The following CT45A1 variants were observed in gnomAD, a reference collection of about 807,000 sequenced individuals.
The protein encoded by CT45A1 is cancer/testis antigen family 45 member A1.
intron 1 of CT45A1, among the ~76,000 whole-genome samples, chrX:135,715,386 A>AATACTTATATATATAATACTTATAT (rs2087975160): frequency 1.6e-5 from 1 of 60,842 alleles, no homozygotes; most frequent in Non-Finnish European, 3.0e-5. Flanking sequence ...ACTTATATAT[A>AATACTTATATATATAATACTTATAT]ATACTTATAT....
Position 135,718,492 on chromosome X carries a change from T to C in CT45A1, c.-6-443T>C, listed in dbSNP as rs782165638. On this transcript the variant is annotated intron_variant, in intron 1 of 4. Transcript: ENST00000594565. ...TTATACATCTATTTGAATATATAAG[T>C]ATAAATACTTATATATTAAATACAT... Among the ~76,000 whole-genome samples the C allele has an allele frequency of 1.4e-4, 15 of 109,880 alleles. No individual in the cohort carries two copies. In the East Asian group the frequency reaches 3.4e-3, roughly 25 times the overall value.
At chrX:135,716,871 A>G (rs1345054803) in intron 1 of CT45A1, among the ~76,000 whole-genome samples, 1 of 111,692 alleles carries the variant, frequency 9.0e-6, no homozygotes, top group Admixed American at 9.6e-5. Context: ...ATTTATTAAA[A>G]GCACTGTCTT....
chrX:135,714,894 C>T (rs1456174530), intron 1 of CT45A1, among the ~76,000 whole-genome samples: 4 of 99,059 alleles, frequency 4.0e-5, no homozygotes, highest in Non-Finnish European at 6.1e-5. Flanking sequence ...CTATGTCTTT[C>T]ATGAAGTTCC....
upstream of CT45A1, among the ~76,000 whole-genome samples, chrX:135,712,621 C>T (rs1241878655): frequency 3.6e-5 from 4 of 110,607 alleles, no homozygotes; most frequent in African/African-American, 6.6e-5. Context: ...CTCACTTCCC[C>T]AGTTCAAGTG....
At chrX:135,717,504 G>A (rs782793121) in intron 1 of CT45A1, among the ~76,000 whole-genome samples, 2 of 110,400 alleles carry the variant, frequency 1.8e-5, no homozygotes, top group Non-Finnish European at 3.8e-5. Flanking sequence ...AGCAGAGACT[G>A]TGCCACTCTA....
In CT45A1 at chrX:135,715,249, TTA is replaced by T. The variant is rs1270126098; in HGVS notation, c.-7+1570_-7+1571del. ...TATATAATACTTATATATATAATAC[TTA>T]TATATATATAATACTTATATATATA... On this transcript the variant is annotated intron_variant, in intron 1 of 4. Transcript: ENST00000594565. Among the ~76,000 whole-genome samples the T allele has an allele frequency of 1.6e-3, 121 of 76,798 alleles. 1 individual carries two copies. The highest frequency in any genetic ancestry group is 2.2e-3 in the Admixed American group (13 of 5,963). The allele number at this position is 76,798 out of a possible 115,157, so 66.7% of individuals were successfully genotyped here. A position where few individuals can be genotyped will look rare whatever the true frequency, so the allele number is the denominator to read the frequency against.
chrX:135,713,381 G>T (rs1235354061), upstream of CT45A1: 2 of 174,797 alleles, frequency 1.1e-5, no homozygotes, highest in African/African-American at 7.2e-5. Flanking sequence ...CAGCGAAGGG[G>T]AGGGCTGCGC....
chrX:135,714,145 A>T (rs1556570508), intron 1 of CT45A1, among the ~76,000 whole-genome samples: 1 of 107,880 alleles, frequency 9.3e-6, no homozygotes, highest in African/African-American at 3.4e-5. Flanking sequence ...CAGACGCATG[A>T]TCGCCGCCCT....
upstream of CT45A1, chrX:135,713,544 C>T (rs1405210691): frequency 2.0e-5 from 15 of 734,055 alleles, no homozygotes; most frequent in Non-Finnish European, 6.4e-6. Context: ...TGGTGAGACG[C>T]CTCCCCATGC....
At chrX:135,709,956 C>T (rs782663418), upstream of CT45A1, 3 of 112,327 alleles carry the variant, frequency 2.7e-5, no homozygotes, top group Non-Finnish European at 5.6e-5. Context: ...CACTTTGACA[C>T]CTTTACAAGT....
chrX:135,715,454 T>G (rs1231892923), intron 1 of CT45A1, among the ~76,000 whole-genome samples: 1 of 82,004 alleles, frequency 1.2e-5, no homozygotes, highest in Non-Finnish European at 2.2e-5. Flanking sequence ...TACTTATATA[T>G]ATAATACTTA....
chrX:135,712,518 A>ATATT (rs201235232), upstream of CT45A1, among the ~76,000 whole-genome samples: 19,135 of 106,173 alleles, frequency 0.18, 1,635 homozygotes, highest in Non-Finnish European at 0.23. Flanking sequence ...GGTTGAATTT[A>ATATT]TATTTATTTA....
upstream of CT45A1, among the ~76,000 whole-genome samples, chrX:135,712,691 G>A (rs189285386): frequency 6.4e-4 from 70 of 108,998 alleles, no homozygotes; most frequent in Admixed American, 1.3e-3. Flanking sequence ...CCCCACGCCC[G>A]GTTAATTTTC....
upstream of CT45A1, among the ~76,000 whole-genome samples, chrX:135,711,802 G>A (rs1556569623): frequency 2.7e-5 from 3 of 111,668 alleles, no homozygotes; most frequent in Non-Finnish European, 5.6e-5. Flanking sequence ...AAAAATGGGC[G>A]GGGCGTGGTG....
At chrX:135,714,299 C>T (rs1285194839) in intron 1 of CT45A1, among the ~76,000 whole-genome samples, 1 of 108,980 alleles carries the variant, frequency 9.2e-6, no homozygotes, top group Non-Finnish European at 1.9e-5. Context: ...TGCTTATCCG[C>T]GATGTGGACG....
intron 1 of CT45A1, among the ~76,000 whole-genome samples, chrX:135,715,505 TTATA>T (rs1382416056): frequency 3.7e-5 from 3 of 81,752 alleles, no homozygotes; most frequent in Admixed American, 1.7e-4. Context: ...TATATAATAC[TTATA>T]TATATAATAC....
At position 135,715,266 on chromosome X, in the gene CT45A1, TTA is replaced by T. The variant is rs1468234320; in HGVS notation, c.-7+1587_-7+1588del. On this transcript the variant is annotated intron_variant, in intron 1 of 4. Transcript: ENST00000594565. ...TATAATACTTATATATATATAATACTTATATATATATAATACTTATATATATA... is the reference window on the plus strand; with the variant it reads ...TATAATACTTATATATATATAATACTTATATATATAATACTTATATATATA... Among the ~76,000 whole-genome samples, 88 of 78,792 alleles carry T rather than the reference TTA, an allele frequency of 1.1e-3. 2 individuals carry two copies. Among genetic ancestry groups the T allele is most frequent in the African/African-American group, 4.3e-3 (73 of 16,804 alleles). The allele number at this position is 78,792 out of a possible 115,157, so 68.4% of individuals were successfully genotyped here. A position where few individuals can be genotyped will look rare whatever the true frequency, so the allele number is the denominator to read the frequency against.
At chrX:135,712,904 TTC>T (rs1556569993), upstream of CT45A1, among the ~76,000 whole-genome samples, 14 of 108,101 alleles carry the variant, frequency 1.3e-4, no homozygotes, top group Non-Finnish European at 2.5e-4. Context: ...TCTTTCTTTC[TTC>T]TTTCTTTCTT....
chrX:135,715,984 C>T (rs1370681443), intron 1 of CT45A1, among the ~76,000 whole-genome samples: 1 of 109,164 alleles, frequency 9.2e-6, no homozygotes, highest in African/African-American at 3.3e-5. Flanking sequence ...ATCTTGCTGA[C>T]ACATGTCCCT....
Sources: allele counts gnomAD v4.1 joint callset (sites outside exome capture counted in the v4.1 genomes callset), GRCh38; gene constraint gnomAD v4.1.1; transcripts MANE v1.5; gene names NCBI Gene and HGNC (gene_info 2026-07-23, HGNC 2026-07-21).